Variants in WDR88 observed in about 807,000 individuals in gnomAD.
WDR88 encodes the protein WD repeat-containing protein 88.
A neutral mutation model predicts 46.8 loss-of-function variants in WDR88; 40 were observed. The ratio of observed to expected loss-of-function variants is 0.86; its 90% CI spans 0.66 to 1.11. The LOEUF is 1.11. Ranked by LOEUF, WDR88 falls within the 50% of genes most tolerant of loss-of-function variation. WDR88 has a pLI of 0.00. For missense variants in WDR88, 562 were observed against 602.4 expected (o/e 0.93, Z 0.70); for synonymous variants, 235 against 240.7 (o/e 0.98, Z 0.22).
At chr19:33,164,469 G>C (rs903660137) in intron 9 of WDR88, among the ~76,000 whole-genome samples, 1 of 152,262 alleles carries the variant, frequency 6.6e-6, no homozygotes, top group African/African-American at 2.4e-5. Flanking sequence ...AGGTATTTCT[G>C]TGTCTGTACC....
At chr19:33,169,636 G>C (rs1336242179) in intron 9 of WDR88, among the ~76,000 whole-genome samples, 1 of 132,302 alleles carries the variant, frequency 7.6e-6, no homozygotes, top group Non-Finnish European at 1.5e-5. Flanking sequence ...CCTTGTGCCT[G>C]ACTGATGGTG....
intron 9 of WDR88, among the ~76,000 whole-genome samples, chr19:33,169,309 G>A (rs1398251423): frequency 1.3e-5 from 2 of 152,178 alleles, no homozygotes; most frequent in African/African-American, 4.8e-5. Flanking sequence ...AGACAACTTA[G>A]AGAATGGGAG....
chr19:33,175,286 G>A (rs1599923183), intron 10 of WDR88, 110 bp from the exon 11 acceptor site: 2 of 1,162,552 alleles, frequency 1.7e-6, no homozygotes, highest in Non-Finnish European at 1.2e-6. Flanking sequence ...TCCAGAGAGG[G>A]GAACCCTTGC....
intron 2 of WDR88, among the ~76,000 whole-genome samples, chr19:33,138,953 A>G (rs1444450025): frequency 6.6e-6 from 1 of 151,832 alleles, no homozygotes; most frequent in Non-Finnish European, 1.5e-5. Flanking sequence ...AATTGTTGGG[A>G]TTATAGGTGT....
At chr19:33,170,985 T>C in intron 9 of WDR88, among the ~76,000 whole-genome samples, 1 of 151,910 alleles carries the variant, frequency 6.6e-6, no homozygotes, top group South Asian at 2.1e-4. Context: ...ATAAAAAATA[T>C]TATTATTATT....
chr19:33,170,216 C>T lies in WDR88; in HGVS notation c.1150-2132C>T, dbSNP rs546315311. On this transcript the variant is annotated intron_variant, in intron 9 of 10. Transcript: ENST00000355868. The stretch of plus-strand genomic sequence containing the variant: ...TTAAAGAGACAGGGTCTTGCTGTAT[C>T]GCCCAGGCTGGAGTGCAGTGGCATG... Among the ~76,000 whole-genome samples the T allele has an allele frequency of 1.4e-4, 20 of 146,274 alleles. No homozygotes were observed. In the South Asian group the frequency reaches 2.2e-3, roughly 16 times the overall value.
intron 2 of WDR88, among the ~76,000 whole-genome samples, chr19:33,141,171 A>G (rs1386319267): frequency 6.7e-6 from 1 of 150,350 alleles, no homozygotes; most frequent in Non-Finnish European, 1.5e-5. Flanking sequence ...TCCTTGGCTC[A>G]AGCGACTCTC....
At chr19:33,167,934 C>G (rs982842170) in intron 9 of WDR88, among the ~76,000 whole-genome samples, 1 of 151,486 alleles carries the variant, frequency 6.6e-6, no homozygotes, top group South Asian at 2.1e-4. Context: ...TCCAGGCTGG[C>G]CTTGAACTCC....
At chr19:33,146,450 TC>T (rs1419637006) in intron 3 of WDR88, among the ~76,000 whole-genome samples, 88 of 104,322 alleles carry the variant, frequency 8.4e-4, no homozygotes, top group African/African-American at 3.1e-3. Context: ...CTTCCTTCCT[TC>T]CTTCCTTCCT....
intron 2 of WDR88, among the ~76,000 whole-genome samples, chr19:33,144,615 G>T (rs942077102): frequency 6.6e-6 from 1 of 152,210 alleles, no homozygotes; most frequent in Non-Finnish European, 1.5e-5. Flanking sequence ...TGGAATTGCG[G>T]GGTAATTTCC....
chr19:33,160,327 G>A (rs3909410), intron 7 of WDR88, 87 bp from the exon 8 acceptor site: 118,870 of 1,333,974 alleles, frequency 0.089, 10,327 homozygotes, highest in African/African-American at 0.36. Flanking sequence ...ATGAGGTGGT[G>A]CCTCGCCAAG....
At position 33,175,556 on chromosome 19, in the gene WDR88, G is replaced by A; in HGVS notation, c.1403G>A (p.Gly468Glu). 1 of 1,614,162 alleles carries A rather than the reference G, an allele frequency of 6.2e-7. No individual in the cohort carries two copies. Among genetic ancestry groups the A allele is most frequent in the Non-Finnish European group, 8.5e-7 (1 of 1,180,024 alleles). Residue 468 changes from glycine (G) to glutamate (E), a missense_variant, in exon 11 of 11, where the codon GGA becomes GAA. Coordinates refer to ENST00000355868, the MANE Select transcript of WDR88 (RefSeq NM_173479.4). ...SERENSPPPR[G>E]SKDD ...AGGGAGAACTCACCGCCGCCAAGGG[G>A]AAGCAAGGATGACTGACAGCCACAG...
chr19:33,151,397 A>C (rs1232197418), intron 6 of WDR88, 87 bp downstream of exon 6: 47 of 1,497,622 alleles, frequency 3.1e-5, no homozygotes, highest in Non-Finnish European at 2.5e-5. Flanking sequence ...GCCAGCATCC[A>C]TGTGGACACG....
At chr19:33,155,546 G>A (rs542911790) in intron 6 of WDR88, among the ~76,000 whole-genome samples, 2 of 152,168 alleles carry the variant, frequency 1.3e-5, no homozygotes, top group Non-Finnish European at 2.9e-5. Flanking sequence ...GTGAATAGTT[G>A]GGGTGGAGAA....
chr19:33,164,050 G>T, intron 8 of WDR88, 147 bp from the exon 9 acceptor site: 1 of 658,868 alleles, frequency 1.5e-6, no homozygotes, highest in Non-Finnish European at 2.7e-6. Context: ...GCTCACTGCA[G>T]CTTCCACCTC....
intron 9 of WDR88, among the ~76,000 whole-genome samples, chr19:33,171,480 C>T (rs543046303): frequency 7.3e-4 from 111 of 152,166 alleles, no homozygotes; most frequent in African/African-American, 2.6e-3. Flanking sequence ...GTTGCAACTG[C>T]TGAATCAAGA....
At chr19:33,158,419 C>CT in intron 7 of WDR88, among the ~76,000 whole-genome samples, 1 of 151,532 alleles carries the variant, frequency 6.6e-6, no homozygotes, top group East Asian at 1.9e-4. Context: ...GAGTGAGACT[C>CT]TGTCTCAAAA....
chr19:33,168,715 T>G (rs1973991973), intron 9 of WDR88, among the ~76,000 whole-genome samples: 1 of 152,180 alleles, frequency 6.6e-6, no homozygotes, highest in African/African-American at 2.4e-5. Context: ...TGCATAATCC[T>G]TATCAAAATT....
chr19:33,165,144 G>A (rs1016303209), intron 9 of WDR88, among the ~76,000 whole-genome samples: 3 of 152,078 alleles, frequency 2.0e-5, no homozygotes, highest in Non-Finnish European at 4.4e-5. Context: ...CTAGTGACAG[G>A]GAGCAGCTAT....
Sources: allele counts gnomAD v4.1 joint callset (sites outside exome capture counted in the v4.1 genomes callset), GRCh38; gene constraint gnomAD v4.1.1; transcripts MANE v1.5; gene names NCBI Gene and HGNC (gene_info 2026-07-23, HGNC 2026-07-21).